Variants in ASCC3 observed in about 807,000 individuals in gnomAD.
ASCC3 encodes ASC-1 complex subunit P200.
In ASCC3, 158 loss-of-function variants were observed where a neutral mutation model predicts 256.3. The observed-to-expected ratio is 0.62, with a 90% CI of 0.54 to 0.70. The LOEUF is 0.70. ASCC3 is among the 30% of genes least tolerant of loss of function. The pLI is 0.00. For missense variants in ASCC3, 2,259 were observed against 2,626.0 expected (o/e 0.86, Z 3.05); for synonymous variants, 948 against 883.4 (o/e 1.07, Z -1.30).
intron 4 of ASCC3, among the ~76,000 whole-genome samples, chr6:100,841,191 G>A (rs888307709): frequency 6.6e-6 from 1 of 152,098 alleles, no homozygotes; most frequent in Non-Finnish European, 1.5e-5. Context: ...CATAAATATT[G>A]AATGCTAGCT....
chr6:100,869,833 C>A (rs1045152070), intron 1 of ASCC3, among the ~76,000 whole-genome samples: 1 of 152,098 alleles, frequency 6.6e-6, no homozygotes, highest in Admixed American at 6.5e-5. Flanking sequence ...AACAACCAAA[C>A]GTAGCTGGTG....
intron 8 of ASCC3, among the ~76,000 whole-genome samples, chr6:100,772,195 T>G (rs959153748): frequency 1.3e-5 from 2 of 152,162 alleles, no homozygotes; most frequent in African/African-American, 4.8e-5. Flanking sequence ...CTAGCAAGTT[T>G]TTAAAAGTTA....
chr6:100,761,955 C>A (rs1442539490), intron 10 of ASCC3, among the ~76,000 whole-genome samples: 4 of 152,134 alleles, frequency 2.6e-5, no homozygotes, highest in Non-Finnish European at 5.9e-5. Context: ...AGACTACATA[C>A]CATAGGAAAA....
At chr6:100,809,402 C>CA (rs1053143468) in intron 4 of ASCC3, among the ~76,000 whole-genome samples, 10 of 151,740 alleles carry the variant, frequency 6.6e-5, no homozygotes, top group Admixed American at 2.0e-4. Context: ...AAACTTCACA[C>CA]AAAAAAACAC....
intron 12 of ASCC3, among the ~76,000 whole-genome samples, chr6:100,717,627 G>C (rs1779142031): frequency 6.6e-6 from 1 of 151,834 alleles, no homozygotes; most frequent in Non-Finnish European, 1.5e-5. Flanking sequence ...AAGTTAAACA[G>C]AACACCTTCC....
Position 100,627,959 on chromosome 6 carries a change from G to A in ASCC3, c.4404C>T (p.Val1468=). ...AGATAAAATTTGTTCGAGATACAAT[G>A]ACCTCTAGAACAGGGCCTCTTTCCT... ...LGEERGPVLE[V]IVSRTNFISS... Residue 1468 remains valine (V), a synonymous_variant, in exon 28 of 42, where the codon GTC becomes GTT. Coordinates refer to ENST00000369162, the MANE Select transcript of ASCC3 (RefSeq NM_006828.4). 1 of 1,613,432 alleles carries A rather than the reference G, an allele frequency of 6.2e-7. No individual in the cohort carries two copies. The highest frequency in any genetic ancestry group is 8.5e-7 in the Non-Finnish European group (1 of 1,179,766).
intron 13 of ASCC3, among the ~76,000 whole-genome samples, chr6:100,687,026 T>A (rs1056863980): frequency 1.9e-4 from 14 of 73,238 alleles, no homozygotes; most frequent in Admixed American, 1.3e-3. Context: ...TCTCTCTCTC[T>A]CTCTCTCTCA....
Position 100,772,859 on chromosome 6 carries a change from G to C in ASCC3, c.1396-5514C>G, listed in dbSNP as rs576626895. ...GGTAATACTGCAAGTATGACCCGCAGGTAACTTAAGATCTCTAAATTCAAT... is the reference window on the plus strand; with the variant it reads ...GGTAATACTGCAAGTATGACCCGCACGTAACTTAAGATCTCTAAATTCAAT... On this transcript the variant is annotated intron_variant, in intron 8 of 41. Transcript: ENST00000369162. Among the ~76,000 whole-genome samples the C allele has an allele frequency of 4.6e-5, 7 of 152,182 alleles. No individual in the cohort carries two copies. The South Asian group carries it at 1.5e-3, about 32-fold the overall frequency.
rs983367656 is a variant in ASCC3, at chr6:100,718,394, C to T, written c.1903-143G>A. 5 of 611,440 alleles carry T rather than the reference C, an allele frequency of 8.2e-6. No individual in the cohort carries two copies. In the South Asian group the frequency reaches 1.2e-4, roughly 14 times the overall value. The allele number at this position is 611,440 out of a possible 1,614,324, so 37.9% of individuals were successfully genotyped here. On this transcript the variant is annotated intron_variant, in intron 11 of 41. Coordinates refer to ENST00000369162, the MANE Select transcript of ASCC3 (RefSeq NM_006828.4). The stretch of plus-strand genomic sequence containing the variant: ...CAATTGAGGGTCCTATCATGTCAGA[C>T]ATTGTAGCCCATAATTCACAAGCTT...
intron 4 of ASCC3, among the ~76,000 whole-genome samples, chr6:100,838,881 TAA>T (rs960907718): frequency 3.9e-5 from 6 of 152,072 alleles, no homozygotes; most frequent in African/African-American, 1.4e-4. Context: ...CATATATATA[TAA>T]CTTAAAATTT....
At chr6:100,844,662 CTAAGGCT>C (rs898793284) in intron 4 of ASCC3, among the ~76,000 whole-genome samples, 6 of 152,100 alleles carry the variant, frequency 3.9e-5, no homozygotes, top group African/African-American at 1.4e-4. Context: ...CAATCAAATT[CTAAGGCT>C]TAATCATAAT....
At chr6:100,534,491 C>A (rs1200139612) in intron 37 of ASCC3, among the ~76,000 whole-genome samples, 1 of 152,134 alleles carries the variant, frequency 6.6e-6, no homozygotes, top group African/African-American at 2.4e-5. Flanking sequence ...CTACATTTTA[C>A]AAATACATTT....
intron 13 of ASCC3, among the ~76,000 whole-genome samples, chr6:100,691,459 T>C (rs924947750): frequency 1.3e-5 from 2 of 152,040 alleles, no homozygotes; most frequent in Admixed American, 6.6e-5. Context: ...AAATTTTCTA[T>C]ACATTCTTAA....
intron 8 of ASCC3, among the ~76,000 whole-genome samples, chr6:100,798,284 C>T (rs1769733828): frequency 6.6e-6 from 1 of 151,932 alleles, no homozygotes; most frequent in African/African-American, 2.4e-5. Flanking sequence ...CAATTTTCCA[C>T]AGGCAAACAT....
intron 3 of ASCC3, chr6:100,859,205 A>AG: frequency 1.3e-6 from 1 of 779,858 alleles, no homozygotes; most frequent in Non-Finnish European, 2.4e-6. Flanking sequence ...ATTCACTTCT[A>AG]GGAAAAAGTA....
intron 8 of ASCC3, among the ~76,000 whole-genome samples, chr6:100,795,987 C>A (rs1769592739): frequency 1.3e-5 from 2 of 152,108 alleles, no homozygotes. Context: ...GGATCAATAT[C>A]TACAGTGATA....
chr6:100,849,218 T>C (rs1294809547), intron 3 of ASCC3, among the ~76,000 whole-genome samples: 2 of 152,216 alleles, frequency 1.3e-5, no homozygotes, highest in Non-Finnish European at 2.9e-5. Context: ...AAATAAATCA[T>C]TATCAGTAAT....
At chr6:100,746,480 A>G (rs1227607537) in intron 10 of ASCC3, among the ~76,000 whole-genome samples, 4 of 152,198 alleles carry the variant, frequency 2.6e-5, no homozygotes, top group Non-Finnish European at 5.9e-5. Flanking sequence ...GGTTGTGGGT[A>G]ATTTTTTCCT....
chr6:100,532,529 G>A (rs190520889), intron 37 of ASCC3, among the ~76,000 whole-genome samples: 10 of 150,596 alleles, frequency 6.6e-5, no homozygotes, highest in East Asian at 2.0e-4. Flanking sequence ...AAACATTGCC[G>A]TAAGGCAGGC....
Sources: gnomAD v4.1 joint callset for allele counts (sites outside exome capture counted in the v4.1 genomes callset) on GRCh38, gnomAD v4.1.1 for gene constraint, MANE v1.5 for transcripts, NCBI Gene and HGNC (gene_info 2026-07-23, HGNC 2026-07-21) for gene names.